The following DCDC2 variants were observed in gnomAD, a reference collection of about 807,000 sequenced individuals.
The protein encoded by DCDC2 is doublecortin domain-containing protein 2.
Under a neutral mutation model 50.2 loss-of-function variants are expected in DCDC2, and 40 were observed. The observed-to-expected ratio is 0.80, with a 90% CI of 0.62 to 1.04. The LOEUF (loss-of-function observed/expected upper bound fraction) is 1.04. Among genes scored for constraint, DCDC2 ranks in the 50% least tolerant of loss-of-function variants. DCDC2 has a pLI of 0.00. For synonymous variants in DCDC2, 234 were observed against 210.6 expected, an observed-to-expected ratio of 1.11 and a Z score of -0.96; for missense variants, 570 against 581.9, an observed-to-expected ratio of 0.98 and a Z score of 0.21.
chr6:24,192,100 T>C (rs1347040637), intron 8 of DCDC2, among the ~76,000 whole-genome samples: 1 of 152,132 alleles, frequency 6.6e-6, no homozygotes, highest in African/African-American at 2.4e-5. Flanking sequence ...TTGAGAAATA[T>C]GGGAGGTTTA....
intron 7 of DCDC2, among the ~76,000 whole-genome samples, chr6:24,217,406 C>T (rs1400300433): frequency 2.6e-5 from 4 of 152,148 alleles, no homozygotes; most frequent in African/African-American, 9.7e-5. Context: ...CAACTACTAC[C>T]AATAATATGT....
chr6:24,297,549 T>C (rs997469200), intron 4 of DCDC2, among the ~76,000 whole-genome samples: 1 of 152,244 alleles, frequency 6.6e-6, no homozygotes, highest in African/African-American at 2.4e-5. Flanking sequence ...TTTACTTGAA[T>C]ATATTTTATT....
intron 2 of DCDC2, among the ~76,000 whole-genome samples, chr6:24,350,476 T>C (rs958101047): frequency 9.2e-5 from 14 of 152,236 alleles, no homozygotes; most frequent in African/African-American, 3.4e-4. Flanking sequence ...AATTAGTATG[T>C]TTTAGGCAAC....
chr6:24,247,958 C>A (rs1762718343), intron 7 of DCDC2, among the ~76,000 whole-genome samples: 1 of 152,130 alleles, frequency 6.6e-6, no homozygotes, highest in Admixed American at 6.5e-5. Flanking sequence ...TGCCTGTAAT[C>A]CCAGCTTCTC....
chr6:24,260,011 T>G (rs948141848), intron 7 of DCDC2, among the ~76,000 whole-genome samples: 2 of 152,202 alleles, frequency 1.3e-5, no homozygotes, highest in Non-Finnish European at 2.9e-5. Context: ...TTAAAGAGAA[T>G]TGATGCTTAA....
At chr6:24,266,566 A>G (rs544664521) in intron 7 of DCDC2, among the ~76,000 whole-genome samples, 1 of 152,356 alleles carries the variant, frequency 6.6e-6, no homozygotes, top group East Asian at 1.9e-4. Flanking sequence ...GTATATAAAA[A>G]GATGCTCAAC....
At chr6:24,177,176 C>T (rs1044012165) in intron 9 of DCDC2, among the ~76,000 whole-genome samples, 7 of 152,126 alleles carry the variant, frequency 4.6e-5, no homozygotes, top group Admixed American at 1.3e-4. Context: ...ATATAAATGA[C>T]GCTGAGGACT....
intron 2 of DCDC2, among the ~76,000 whole-genome samples, chr6:24,329,568 T>C (rs1363790872): frequency 6.6e-6 from 1 of 152,184 alleles, no homozygotes; most frequent in Non-Finnish European, 1.5e-5. Flanking sequence ...GGGCAACAAC[T>C]TAACATTAGC....
chr6:24,371,310 A>T, the DCDC2 span, among the ~76,000 whole-genome samples: 1 of 151,284 alleles, frequency 6.6e-6, no homozygotes, highest in Non-Finnish European at 1.5e-5. Flanking sequence ...AAAAGAAAAA[A>T]AAGAACTAGG....
intron 8 of DCDC2, among the ~76,000 whole-genome samples, chr6:24,180,873 A>C (rs1321596270): frequency 6.6e-6 from 1 of 152,212 alleles, no homozygotes; most frequent in Admixed American, 6.5e-5. Flanking sequence ...AAAGTTCAGA[A>C]AAAAATTCCA....
chr6:24,312,782 T>C (rs905629045), intron 2 of DCDC2, among the ~76,000 whole-genome samples: 2 of 152,194 alleles, frequency 1.3e-5, no homozygotes, highest in Non-Finnish European at 2.9e-5. Context: ...GTGATCTAAA[T>C]GAATACCTCC....
intron 7 of DCDC2, among the ~76,000 whole-genome samples, chr6:24,220,671 C>G (rs1762077915): frequency 6.6e-6 from 1 of 152,126 alleles, no homozygotes; most frequent in Non-Finnish European, 1.5e-5. Context: ...GCTGAAAAAC[C>G]ACTTCACTAC....
At chr6:24,362,525 A>G (rs1339050362), upstream of DCDC2, among the ~76,000 whole-genome samples, 4 of 147,570 alleles carry the variant, frequency 2.7e-5, 1 homozygote, top group Non-Finnish European at 6.0e-5. Context: ...ATTTAATTGT[A>G]TATTTATACA....
chr6:24,356,429 A>G (rs1014149402), intron 1 of DCDC2, among the ~76,000 whole-genome samples: 5 of 152,104 alleles, frequency 3.3e-5, no homozygotes, highest in Non-Finnish European at 7.4e-5. Flanking sequence ...GGAGGTACAA[A>G]TGTTTTGGCG....
intron 8 of DCDC2, among the ~76,000 whole-genome samples, chr6:24,181,143 G>A (rs955005682): frequency 1.3e-5 from 2 of 152,226 alleles, no homozygotes; most frequent in South Asian, 2.1e-4. Context: ...TCAGCATGTC[G>A]TCAGGGTGGG....
rs117460059 is a variant in DCDC2, at chr6:24,277,191, G to A, written c.922+858C>T. ...ATAAGCTGGAGCTCCCAGGTGGAAG[G>A]TAAGGCTTTGCCCATTAATCTGAAA... On this transcript the variant is annotated intron_variant, in intron 7 of 9. Coordinates refer to ENST00000378454, the MANE Select transcript of DCDC2 (RefSeq NM_016356.5). Among the ~76,000 whole-genome samples the A allele has an allele frequency of 2.1e-4, 32 of 152,216 alleles. No homozygotes were observed. In the East Asian group the frequency reaches 6.0e-3, roughly 28 times the overall value.
In DCDC2 at chr6:24,302,042, T is replaced by G. The variant is rs1325422516; in HGVS notation, c.351A>C (p.Val117=). The G allele has an allele frequency of 6.2e-7, 1 of 1,608,166 alleles. No individual in the cohort carries two copies. Among genetic ancestry groups the G allele is most frequent in the East Asian group, 2.2e-5 (1 of 44,838 alleles). ...TGATCCTGCTATGGATTACTGGTTT[T>G]ACCTTTAAAAGCAAAGGAAAAAAAA... ...KRPMEVVNTE[V]KPVIHSRINV... The change falls in exon 3 of 10, where the codon GTA becomes GTC. Residue 117 remains valine, a splice_region_variant and synonymous_variant. Coordinates refer to ENST00000378454, the MANE Select transcript of DCDC2 (RefSeq NM_016356.5).
At chr6:24,182,665 C>T (rs996052744) in intron 8 of DCDC2, among the ~76,000 whole-genome samples, 1 of 101,026 alleles carries the variant, frequency 9.9e-6, no homozygotes, top group Non-Finnish European at 2.0e-5. Context: ...CAAGCGTTGA[C>T]AAGGATGTGG....
intron 8 of DCDC2, among the ~76,000 whole-genome samples, chr6:24,187,335 TA>T (rs1356255938): frequency 6.6e-6 from 1 of 152,172 alleles, no homozygotes; most frequent in Non-Finnish European, 1.5e-5. Context: ...GGTGCCATCC[TA>T]TTACTCATGC....
Sources: gnomAD v4.1 joint callset for allele counts (sites outside exome capture counted in the v4.1 genomes callset) on GRCh38, gnomAD v4.1.1 for gene constraint, MANE v1.5 for transcripts, NCBI Gene and HGNC (gene_info 2026-07-23, HGNC 2026-07-21) for gene names.